NTRK3: variants seen among roughly 807,000 people sequenced by gnomAD.
The protein encoded by NTRK3 is neurotrophic receptor tyrosine kinase 3.
A neutral mutation model predicts 91.7 loss-of-function variants in NTRK3; 24 were observed. The ratio of observed to expected loss-of-function variants is 0.26; its 90% CI spans 0.19 to 0.37. The LOEUF (loss-of-function observed/expected upper bound fraction) is 0.37. Ranked by LOEUF, NTRK3 falls within the 10% of genes least tolerant of loss-of-function variation. The pLI is 1.00. For synonymous variants in NTRK3, 483 were observed against 404.0 expected, an observed-to-expected ratio of 1.20 and a Z score of -2.34; for missense variants, 880 against 1,068.9, an observed-to-expected ratio of 0.82 and a Z score of 2.46.
intron 5 of NTRK3, among the ~76,000 whole-genome samples, chr15:88,160,615 G>C (rs2044361095): frequency 1.3e-5 from 2 of 152,216 alleles, no homozygotes; most frequent in Admixed American, 1.3e-4. Context: ...GGACATGTGA[G>C]CACACCATTG....
At chr15:88,198,869 G>T (rs1472151641) in intron 3 of NTRK3, among the ~76,000 whole-genome samples, 2 of 152,126 alleles carry the variant, frequency 1.3e-5, no homozygotes, top group Admixed American at 6.5e-5. Flanking sequence ...GAGAGATGCT[G>T]ACTGACACAC....
At chr15:87,934,356 C>T (rs1282851852) in intron 15 of NTRK3, among the ~76,000 whole-genome samples, 1 of 152,198 alleles carries the variant, frequency 6.6e-6, no homozygotes, top group South Asian at 2.1e-4. Flanking sequence ...AATATTGGCT[C>T]ACCATTTTCA....
intron 6 of NTRK3, among the ~76,000 whole-genome samples, chr15:88,145,537 G>A (rs1055465096): frequency 6.6e-6 from 1 of 152,150 alleles, no homozygotes; most frequent in African/African-American, 2.4e-5. Context: ...ATGATCCTCT[G>A]GGAGAAATCT....
At chr15:87,864,146 C>T (rs980242026) in exon 19 of NTRK3, 1 of 232,624 alleles carries the variant, frequency 4.3e-6, no homozygotes, top group Non-Finnish European at 8.5e-6. Flanking sequence ...TTTTCTTGCC[C>T]CAACTTGCTT....
intron 13 of NTRK3, among the ~76,000 whole-genome samples, chr15:88,115,723 G>A: frequency 6.6e-6 from 1 of 152,108 alleles, no homozygotes; most frequent in Admixed American, 6.5e-5. Flanking sequence ...TTGGAGGGCA[G>A]GGCAGGCTTT....
intron 5 of NTRK3, among the ~76,000 whole-genome samples, chr15:88,171,945 A>AG (rs1317600509): frequency 6.6e-6 from 1 of 152,280 alleles, no homozygotes; most frequent in Non-Finnish European, 1.5e-5. Context: ...ACCTTTCCAC[A>AG]GGCATATTTC....
At chr15:87,939,175 T>A (rs1177862745) in intron 15 of NTRK3, among the ~76,000 whole-genome samples, 4 of 152,148 alleles carry the variant, frequency 2.6e-5, no homozygotes, top group Non-Finnish European at 5.9e-5. Flanking sequence ...GCTTGGCAGA[T>A]CATATGTCAT....
chr15:88,147,521 CTT>C, intron 5 of NTRK3, 118 bp from the exon 6 acceptor site: 4 of 356,266 alleles, frequency 1.1e-5, no homozygotes, highest in Non-Finnish European at 1.8e-5. Context: ...TCTTCTTCTT[CTT>C]CTTCTTCTTC....
At chr15:88,125,270 C>T (rs3784407) in intron 13 of NTRK3, among the ~76,000 whole-genome samples, 93,277 of 152,074 alleles carry the variant, frequency 0.61, 29,731 homozygotes, top group African/African-American at 0.79. Context: ...TTGCATACAA[C>T]TCAGAGGATC....
chr15:87,928,813 G>C, intron 17 of NTRK3: 1 of 399,440 alleles, frequency 2.5e-6, no homozygotes, highest in Admixed American at 4.1e-5. Flanking sequence ...ATCTGGGACT[G>C]GGTAGGGAGA....
At chr15:88,125,860 G>C (rs949113133) in intron 13 of NTRK3, among the ~76,000 whole-genome samples, 6 of 152,194 alleles carry the variant, frequency 3.9e-5, no homozygotes, top group Non-Finnish European at 8.8e-5. Context: ...ACATCTTGCT[G>C]TGCTGACGCC....
chr15:88,236,803 A>G (rs891714349), intron 3 of NTRK3, among the ~76,000 whole-genome samples: 7 of 151,350 alleles, frequency 4.6e-5, no homozygotes, highest in Admixed American at 1.3e-4. Flanking sequence ...TACTCTCAAA[A>G]GTAGATAACA....
At chr15:88,199,280 A>G (rs2048087999) in intron 3 of NTRK3, among the ~76,000 whole-genome samples, 1 of 151,962 alleles carries the variant, frequency 6.6e-6, no homozygotes, top group African/African-American at 2.4e-5. Context: ...TCCACTCCAA[A>G]CAGAGCCTGC....
chr15:88,040,845 G>C (rs2079540097), intron 13 of NTRK3, among the ~76,000 whole-genome samples: 1 of 152,220 alleles, frequency 6.6e-6, no homozygotes, highest in African/African-American at 2.4e-5. Flanking sequence ...CAGATATGTT[G>C]CTGGGCACTT....
chr15:87,992,449 T>A (rs541927292), intron 14 of NTRK3, among the ~76,000 whole-genome samples: 5 of 152,252 alleles, frequency 3.3e-5, no homozygotes, highest in Non-Finnish European at 5.9e-5. Context: ...TGGCAGTTAA[T>A]TGTTCATTTC....
At chr15:87,886,766 T>C (rs12594034) in intron 17 of NTRK3, among the ~76,000 whole-genome samples, 1 of 141,308 alleles carries the variant, frequency 7.1e-6, no homozygotes, top group East Asian at 2.0e-4. Flanking sequence ...ATATATATAT[T>C]TCTATGCTGT....
At chr15:88,041,675 A>C (rs1474701072) in intron 13 of NTRK3, among the ~76,000 whole-genome samples, 1 of 152,200 alleles carries the variant, frequency 6.6e-6, no homozygotes, top group East Asian at 1.9e-4. Context: ...GGTGACGTGC[A>C]AAATGCAGCA....
chr15:88,092,883 T>G (rs1486960199), intron 13 of NTRK3, among the ~76,000 whole-genome samples: 2 of 152,192 alleles, frequency 1.3e-5, no homozygotes, highest in Admixed American at 6.5e-5. Context: ...CTTACAAAAA[T>G]GCACATTCTT....
chr15:87,916,767 C>CT (rs540250461), intron 17 of NTRK3, among the ~76,000 whole-genome samples: 9,034 of 142,896 alleles, frequency 0.063, 304 homozygotes, highest in Non-Finnish European at 0.076. Context: ...AAGCACAAGG[C>CT]TTTTTTTTTT....
Sources: gnomAD v4.1 joint callset for allele counts (sites outside exome capture counted in the v4.1 genomes callset) on GRCh38, gnomAD v4.1.1 for gene constraint, MANE v1.5 for transcripts, NCBI Gene and HGNC (gene_info 2026-07-23, HGNC 2026-07-21) for gene names.